The following SLCO1B1 variants were observed in gnomAD, a reference collection of about 807,000 sequenced individuals.
SLCO1B1 encodes the protein OATP-2.
A neutral mutation model predicts 70.1 loss-of-function variants in SLCO1B1; 81 were observed. That is an observed-to-expected ratio of 1.16 (90% CI 0.97 to 1.39). SLCO1B1 has a LOEUF of 1.39. Among genes scored for constraint, SLCO1B1 ranks in the 40% most tolerant of loss-of-function variants. The pLI is 0.00. For synonymous variants in SLCO1B1, 283 were observed against 271.5 expected (o/e 1.04, Z -0.42); for missense variants, 895 against 799.6 (o/e 1.12, Z -1.44).
chr12:21,169,936 T>G (rs1243344618), intron 2 of SLCO1B1, among the ~76,000 whole-genome samples: 2 of 152,188 alleles, frequency 1.3e-5, no homozygotes, highest in African/African-American at 4.8e-5. Context: ...TTTTTTCTAG[T>G]ATGTTTTCCT....
At chr12:21,205,722 G>T in intron 10 of SLCO1B1, 146 bp from the exon 11 acceptor site, 5 of 611,704 alleles carry the variant, frequency 8.2e-6, no homozygotes, top group South Asian at 2.4e-5. Flanking sequence ...CATCATCAAA[G>T]CAAATTTCTT....
chr12:21,136,649 A>C (rs1356435013), intron 1 of SLCO1B1, among the ~76,000 whole-genome samples: 1 of 152,114 alleles, frequency 6.6e-6, no homozygotes, highest in East Asian at 1.9e-4. Flanking sequence ...TGCATTTGTC[A>C]TGTGGCTCTC....
Position 21,132,524 on chromosome 12 carries a change from T to C in SLCO1B1, c.-62+1288T>C, listed in dbSNP as rs989513209. ...TGTTTCCTGACTTTTTAATGATCGC[T>C]ATTCTAACTGGTGTGAGATAGTATC... On this transcript the variant is annotated intron_variant, in intron 1 of 14. Transcript: ENST00000256958. Among the ~76,000 whole-genome samples the C allele has an allele frequency of 2.3e-3, 356 of 152,208 alleles. 2 individuals carry two copies. The highest frequency in any genetic ancestry group is 1.9e-3 in the Non-Finnish European group (126 of 67,974).
intron 14 of SLCO1B1, among the ~76,000 whole-genome samples, chr12:21,228,429 C>T (rs1941501921): frequency 6.6e-6 from 1 of 152,054 alleles, no homozygotes; most frequent in Non-Finnish European, 1.5e-5. Context: ...TTTTCTTGTT[C>T]CTTTAAGGTA....
chr12:21,207,422 A>G (rs998115297), intron 11 of SLCO1B1, among the ~76,000 whole-genome samples: 5 of 152,060 alleles, frequency 3.3e-5, no homozygotes, highest in African/African-American at 1.2e-4. Context: ...TAATTCACTT[A>G]AGATAATGAC....
chr12:21,136,465 C>T (rs1486451328), intron 1 of SLCO1B1, among the ~76,000 whole-genome samples: 4 of 152,154 alleles, frequency 2.6e-5, no homozygotes, highest in African/African-American at 4.8e-5. Flanking sequence ...CTTTCAGGTA[C>T]ACCAATCAGA....
chr12:21,164,875 A>G, intron 2 of SLCO1B1: 1 of 480,104 alleles, frequency 2.1e-6, no homozygotes, highest in Non-Finnish European at 4.2e-6. Context: ...TGGCAATTAT[A>G]AAACTCAATA....
chr12:21,148,845 C>G (rs566499223), intron 2 of SLCO1B1, among the ~76,000 whole-genome samples: 1 of 152,022 alleles, frequency 6.6e-6, no homozygotes, highest in South Asian at 2.1e-4. Context: ...TTGATTCTTC[C>G]TATCCATGAG....
At chr12:21,215,757 A>G (rs1941350165) in intron 11 of SLCO1B1, among the ~76,000 whole-genome samples, 1 of 152,056 alleles carries the variant, frequency 6.6e-6, no homozygotes, top group East Asian at 1.9e-4. Context: ...TTCTTTCTCA[A>G]TTTTTCAGAA....
intron 7 of SLCO1B1, among the ~76,000 whole-genome samples, chr12:21,183,061 G>T (rs1443075990): frequency 6.6e-6 from 1 of 152,214 alleles, no homozygotes; most frequent in East Asian, 1.9e-4. Context: ...TGTTAAGGGG[G>T]TCATCTCTCT....
chr12:21,187,927 A>T (rs1452625376), intron 7 of SLCO1B1, among the ~76,000 whole-genome samples: 1 of 152,176 alleles, frequency 6.6e-6, no homozygotes, highest in Non-Finnish European at 1.5e-5. Flanking sequence ...CCTGCGAACT[A>T]GTGTCAGATG....
intron 2 of SLCO1B1, among the ~76,000 whole-genome samples, chr12:21,168,869 A>G (rs1940724408): frequency 6.6e-6 from 1 of 152,102 alleles, no homozygotes; most frequent in South Asian, 2.1e-4. Flanking sequence ...TGTGCAGATG[A>G]TTTAAGTTTG....
At chr12:21,156,336 CTT>C (rs1423371780) in intron 2 of SLCO1B1, among the ~76,000 whole-genome samples, 1 of 152,032 alleles carries the variant, frequency 6.6e-6, no homozygotes, top group Non-Finnish European at 1.5e-5. Context: ...AAATGTTCAT[CTT>C]TTAAGTAAAA....
At chr12:21,188,276 TCTC>T (rs753552003) in intron 7 of SLCO1B1, among the ~76,000 whole-genome samples, 2 of 152,098 alleles carry the variant, frequency 1.3e-5, no homozygotes, top group East Asian at 1.9e-4. Flanking sequence ...TCCCATTCCT[TCTC>T]CTCCTCAGCC....
chr12:21,223,485 G>A (rs887706765), intron 13 of SLCO1B1, among the ~76,000 whole-genome samples: 3 of 152,110 alleles, frequency 2.0e-5, no homozygotes, highest in Non-Finnish European at 4.4e-5. Context: ...ATTATGTGGG[G>A]AAAATAAACT....
chr12:21,206,084 T>A (rs748256199), intron 11 of SLCO1B1, 51 bp downstream of exon 11: 1 of 1,463,564 alleles, frequency 6.8e-7, no homozygotes, highest in Non-Finnish European at 9.6e-7. Context: ...ACAGATTAGA[T>A]TGAACAATTT....
In SLCO1B1 at chr12:21,175,016, A is replaced by G. The variant is rs552012436; in HGVS notation, c.359+307A>G. 1.4e-4 allele frequency among the ~76,000 whole-genome samples: 21 copies of G among 152,264 alleles called. No homozygotes were observed. The South Asian group carries it at 4.3e-3, about 32-fold the overall frequency. The stretch of plus-strand genomic sequence containing the variant: ...GCCTATAAGATTTTGATTATTTTTT[A>G]TAAGACCTCAACACTTACACCTATA... On this transcript the variant is annotated intron_variant, in intron 4 of 14. Transcript: ENST00000256958.
At chr12:21,188,864 G>A (rs1259996221) in intron 7 of SLCO1B1, among the ~76,000 whole-genome samples, 1 of 152,144 alleles carries the variant, frequency 6.6e-6, no homozygotes, top group African/African-American at 2.4e-5. Flanking sequence ...ATGTAATCAT[G>A]TAGTATATGT....
intron 14 of SLCO1B1, among the ~76,000 whole-genome samples, chr12:21,236,579 C>A (rs1034074531): frequency 6.6e-6 from 1 of 152,150 alleles, no homozygotes; most frequent in African/African-American, 2.4e-5. Flanking sequence ...AAATTCCTAA[C>A]AATTTGGTGG....
Sources: gnomAD v4.1 joint callset for allele counts (sites outside exome capture counted in the v4.1 genomes callset) on GRCh38, gnomAD v4.1.1 for gene constraint, MANE v1.5 for transcripts, NCBI Gene and HGNC (gene_info 2026-07-23, HGNC 2026-07-21) for gene names.